CACNB4: variants seen among roughly 807,000 people sequenced by gnomAD.
CACNB4 encodes the protein calcium voltage-gated channel auxiliary subunit beta 4, also known as voltage-dependent L-type calcium channel subunit beta-4.
In CACNB4, 32 loss-of-function variants were observed where a neutral mutation model predicts 71.2. The ratio of observed to expected loss-of-function variants is 0.45; its 90% CI spans 0.34 to 0.60. The LOEUF is 0.60. Ranked by LOEUF, CACNB4 falls within the 20% of genes least tolerant of loss-of-function variation. The pLI is 0.01. For synonymous variants in CACNB4, 231 were observed against 236.9 expected (o/e 0.97, Z 0.23); for missense variants, 464 against 647.9 (o/e 0.72, Z 3.08).
At chr2:151,885,440 C>A (rs2099849112) in intron 2 of CACNB4, among the ~76,000 whole-genome samples, 1 of 152,190 alleles carries the variant, frequency 6.6e-6, no homozygotes, top group African/African-American at 2.4e-5. Context: ...GATTCACATC[C>A]CACACTGAGC....
chr2:151,993,563 CTTTT>C (rs70974814), intron 2 of CACNB4, among the ~76,000 whole-genome samples: 7 of 116,658 alleles, frequency 6.0e-5, no homozygotes, highest in Non-Finnish European at 9.3e-5. Context: ...TTGGGGAGCA[CTTTT>C]TTTTTTTTTT....
intron 2 of CACNB4, among the ~76,000 whole-genome samples, chr2:152,054,142 C>T (rs1300288232): frequency 1.3e-5 from 2 of 151,470 alleles, no homozygotes; most frequent in East Asian, 2.0e-4. Context: ...CCGAGACGGG[C>T]AGATCACGAG....
At chr2:151,858,708 T>C (rs999521040) in intron 10 of CACNB4, 1 of 152,232 alleles carries the variant, frequency 6.6e-6, no homozygotes, top group Non-Finnish European at 1.5e-5. Context: ...CAATCTCTTC[T>C]GTTCCTCTCA....
intron 2 of CACNB4, among the ~76,000 whole-genome samples, chr2:151,957,503 A>G (rs1158243910): frequency 1.3e-5 from 2 of 152,176 alleles, no homozygotes; most frequent in African/African-American, 2.4e-5. Flanking sequence ...TTAAAGAAAG[A>G]CATTCATACT....
At chr2:151,912,126 A>T (rs1340090992) in intron 2 of CACNB4, among the ~76,000 whole-genome samples, 1 of 151,920 alleles carries the variant, frequency 6.6e-6, no homozygotes, top group Non-Finnish European at 1.5e-5. Flanking sequence ...CAGCTCCTGG[A>T]TTCGGTGATT....
intron 10 of CACNB4, chr2:151,857,489 T>C (rs1352277577): frequency 6.6e-6 from 1 of 152,220 alleles, no homozygotes; most frequent in Non-Finnish European, 1.5e-5. Flanking sequence ...TTCTCTCACA[T>C]GGCAGAAACA....
chr2:151,945,915 G>A (rs558146237), intron 2 of CACNB4, among the ~76,000 whole-genome samples: 13 of 151,148 alleles, frequency 8.6e-5, no homozygotes, highest in South Asian at 6.3e-4. Flanking sequence ...GTGTGTGCGC[G>A]TGTGTGTATA....
At chr2:152,042,799 G>A (rs1044802057) in intron 2 of CACNB4, among the ~76,000 whole-genome samples, 3 of 152,094 alleles carry the variant, frequency 2.0e-5, no homozygotes, top group Admixed American at 2.0e-4. Flanking sequence ...GCATTCCCAG[G>A]AGATTAAGGC....
intron 2 of CACNB4, among the ~76,000 whole-genome samples, chr2:151,922,434 C>T (rs2099859219): frequency 6.6e-6 from 1 of 152,142 alleles, no homozygotes; most frequent in African/African-American, 2.4e-5. Context: ...AACTCCTGGC[C>T]TCAAGCAATC....
At chr2:152,076,512 C>T (rs566135284) in intron 2 of CACNB4, among the ~76,000 whole-genome samples, 4 of 151,928 alleles carry the variant, frequency 2.6e-5, no homozygotes, top group South Asian at 4.2e-4. Flanking sequence ...TGTTTGGGCT[C>T]GAAACTATGG....
intron 2 of CACNB4, among the ~76,000 whole-genome samples, chr2:151,933,530 A>G (rs1383662125): frequency 6.6e-6 from 1 of 152,056 alleles, no homozygotes; most frequent in African/African-American, 2.4e-5. Flanking sequence ...ACTGTGGCTC[A>G]AAAAGACCAA....
intron 2 of CACNB4, among the ~76,000 whole-genome samples, chr2:151,978,689 T>C (rs911843697): frequency 1.3e-5 from 2 of 152,192 alleles, no homozygotes; most frequent in Non-Finnish European, 2.9e-5. Flanking sequence ...GTAGTTCTCA[T>C]CATTCTCCGC....
At chr2:152,089,012 T>G (rs896779136) in intron 2 of CACNB4, among the ~76,000 whole-genome samples, 1 of 152,346 alleles carries the variant, frequency 6.6e-6, no homozygotes, top group South Asian at 2.1e-4. Flanking sequence ...AAATTGAATC[T>G]ATAATTCAGC....
chr2:151,907,796 G>A (rs557655290), intron 2 of CACNB4, among the ~76,000 whole-genome samples: 1 of 152,306 alleles, frequency 6.6e-6, no homozygotes, highest in South Asian at 2.1e-4. Context: ...CAGCCAGGAA[G>A]AGCACAGCAA....
At chr2:152,067,173 G>T (rs1356846220) in intron 2 of CACNB4, among the ~76,000 whole-genome samples, 1 of 151,968 alleles carries the variant, frequency 6.6e-6, no homozygotes, top group East Asian at 1.9e-4. Flanking sequence ...TTAAAAAAAA[G>T]AAGTGCAGGG....
chr2:152,098,744 G>A lies in CACNB4; in HGVS notation c.63+205C>T, dbSNP rs1688427461. ...CGGGAGCGCAGAGACCCGAAGGAGG[G>A]TGAGGAGGAGGAGGAAGAGAAGGAG... On this transcript the variant is annotated intron_variant, in intron 1 of 13. Transcript: ENST00000539935. This position sits in a 1 kb window ranked among gnomAD's most constrained non-coding sequence, Gnocchi z 5.3. The A allele has an allele frequency of 7.3e-6, 11 of 1,516,040 alleles. No individual in the cohort carries two copies. Among genetic ancestry groups the A allele is most frequent in the African/African-American group, 1.4e-5 (1 of 72,374 alleles). The allele number at this position is 1,516,040 out of a possible 1,614,324, so 93.9% of individuals were successfully genotyped here. A position where few individuals can be genotyped will look rare whatever the true frequency, so the allele number is the denominator to read the frequency against.
intron 2 of CACNB4, among the ~76,000 whole-genome samples, chr2:152,013,686 CA>C (rs1683187424): frequency 6.6e-6 from 1 of 152,232 alleles, no homozygotes; most frequent in African/African-American, 2.4e-5. Context: ...TGAACCTCTT[CA>C]TGCAACCATT....
At chr2:152,062,444 T>A (rs1323069820) in intron 2 of CACNB4, among the ~76,000 whole-genome samples, 1 of 152,202 alleles carries the variant, frequency 6.6e-6, no homozygotes, top group Non-Finnish European at 1.5e-5. Flanking sequence ...GTCAGTTGCA[T>A]AAGGATAGTT....
chr2:151,984,972 C>T (rs992654058), intron 2 of CACNB4, among the ~76,000 whole-genome samples: 1 of 152,132 alleles, frequency 6.6e-6, no homozygotes, highest in African/African-American at 2.4e-5. Flanking sequence ...AAATCTCTTC[C>T]CTTCACAGAT....
Sources: allele counts gnomAD v4.1 joint callset (sites outside exome capture counted in the v4.1 genomes callset), GRCh38; gene constraint gnomAD v4.1.1; non-coding constraint Gnocchi (gnomAD v3.1); transcripts MANE v1.5; gene names NCBI Gene and HGNC (gene_info 2026-07-23, HGNC 2026-07-21).